Variants in RADIL observed in about 807,000 individuals in gnomAD.
RADIL encodes the protein Rap associating with DIL domain.
RADIL carries 99 observed loss-of-function variants against 97.6 expected under a neutral mutation model. That is an observed-to-expected ratio of 1.01 (90% CI 0.86 to 1.20). RADIL has a LOEUF of 1.20. Ranked by LOEUF, RADIL falls within the 50% of genes most tolerant of loss-of-function variation. RADIL has a pLI of 0.00. For missense variants in RADIL, 1,765 were observed against 1,498.9 expected (o/e 1.18, Z -2.93); for synonymous variants, 803 against 691.8 (o/e 1.16, Z -2.52).
At position 4,834,548 on chromosome 7, in the gene RADIL, G is replaced by A. The variant is rs1336906567; in HGVS notation, c.1416+59C>T. 3.9e-6 allele frequency: 5 copies of A among 1,289,352 alleles called. No individual in the cohort carries two copies. The highest frequency in any genetic ancestry group is 6.7e-5 in the South Asian group (2 of 29,682). 79.9% of individuals were successfully genotyped at this position (1,289,352 alleles called of 1,614,324 possible). A position where few individuals can be genotyped will look rare whatever the true frequency, so the allele number is the denominator to read the frequency against. On this transcript the variant is annotated intron_variant, in intron 4 of 14. Coordinates refer to ENST00000399583, the MANE Select transcript of RADIL (RefSeq NM_018059.5). This position sits in a 1 kb window ranked among gnomAD's most constrained non-coding sequence, Gnocchi z 6.0. ...CCGCCTCCCAGCCGGGGCCAGCTCC[G>A]GGCCCCCTCTTCCCCCAGACCGGCA... is the stretch of plus-strand genomic sequence containing the variant.
At chr7:4,816,063 TC>T (rs1782670059) in intron 8 of RADIL, among the ~76,000 whole-genome samples, 164 bp downstream of exon 8, 1 of 151,722 alleles carries the variant, frequency 6.6e-6, no homozygotes, top group South Asian at 2.1e-4. Flanking sequence ...TGCTGATCTG[TC>T]CCCCCTCACT....
intron 2 of RADIL, among the ~76,000 whole-genome samples, chr7:4,868,102 G>A (rs543929788): frequency 6.6e-5 from 10 of 151,940 alleles, no homozygotes; most frequent in East Asian, 3.9e-4. Flanking sequence ...TCACTGTGTC[G>A]CCCAGGCTGG....
chr7:4,877,635 C>T lies in RADIL; in HGVS notation c.505G>A (p.Ala169Thr). Residue 169 changes from alanine (A) to threonine (T), a missense_variant, in exon 2 of 15, where the codon GCA becomes ACA. By Grantham distance (58) the Ala-to-Thr change is moderately conservative (BLOSUM62 0). Coordinates refer to ENST00000399583, the MANE Select transcript of RADIL (RefSeq NM_018059.5). ...GTGATGGTGTCCACCTCCTTGGCTG[C>T]CAGCTCCTCCACGTCCGACCTCTTC... ...LRKRSDVEEL[A>T]AKEVDTITAG... is the part of the protein sequence containing the mutation. 6.2e-7 allele frequency: 1 copy of T among 1,608,236 alleles called. No individual in the cohort carries two copies. Among genetic ancestry groups the T allele is most frequent in the Non-Finnish European group, 8.5e-7 (1 of 1,177,274 alleles).
At position 4,878,142 on chromosome 7, in the gene RADIL, T is replaced by C. The variant is rs1216690788; in HGVS notation, c.-3A>G. 11 of 1,539,668 alleles carry C rather than the reference T, an allele frequency of 7.1e-6. No individual in the cohort carries two copies. The highest frequency in any genetic ancestry group is 8.7e-6 in the Non-Finnish European group (10 of 1,143,490). ...ATGAAGTGCGTCCCATAAAACATGG[T>C]GGGTGAGGCTTCATGGATGAGGACT... On this transcript the variant is annotated 5_prime_UTR_variant, in exon 2 of 15. Coordinates refer to ENST00000399583, the MANE Select transcript of RADIL (RefSeq NM_018059.5). The surrounding 1 kb of genome is among the most constrained non-coding windows in gnomAD (Gnocchi z 4.1).
chr7:4,823,428 C>T, intron 5 of RADIL, among the ~76,000 whole-genome samples: 1 of 150,546 alleles, frequency 6.6e-6, no homozygotes, highest in East Asian at 2.0e-4. Flanking sequence ...CTTTGGCCTC[C>T]TAAAGTGCTG....
chr7:4,799,568 G>C, intron 14 of RADIL, 62 bp downstream of exon 14: 1 of 1,610,232 alleles, frequency 6.2e-7, no homozygotes, highest in Non-Finnish European at 8.5e-7. Flanking sequence ...CTTTACCCCA[G>C]GTCCACTCCC....
In RADIL at chr7:4,813,952, T is replaced by C. The variant is rs1305737626; in HGVS notation, c.2139+1326A>G. Among the ~76,000 whole-genome samples, 2 of 152,196 alleles carry C rather than the reference T, an allele frequency of 1.3e-5. No homozygotes were observed. Among genetic ancestry groups the C allele is most frequent in the Non-Finnish European group, 2.9e-5 (2 of 68,028 alleles). On this transcript the variant is annotated intron_variant, in intron 9 of 14. Coordinates refer to ENST00000399583, the MANE Select transcript of RADIL (RefSeq NM_018059.5). The surrounding 1 kb of genome is among the most constrained non-coding windows in gnomAD (Gnocchi z 5.0). Reference sequence around the variant, plus strand: ...GCTTCTCAGGAGTCAGATTGCTTTTTTCTTTTTTGTAGAGATGGGGTCTCG... The same window carrying C: ...GCTTCTCAGGAGTCAGATTGCTTTTCTCTTTTTTGTAGAGATGGGGTCTCG...
intron 2 of RADIL, among the ~76,000 whole-genome samples, chr7:4,838,381 G>C (rs1583296997): frequency 6.6e-6 from 1 of 152,196 alleles, no homozygotes; most frequent in Non-Finnish European, 1.5e-5. Context: ...ACCTCAGAGT[G>C]ACCTGCTGGA....
chr7:4,821,984 G>A lies in RADIL; in HGVS notation c.1615+410C>T, dbSNP rs577278726. Among the ~76,000 whole-genome samples, 2 of 152,174 alleles carry A rather than the reference G, an allele frequency of 1.3e-5. No individual in the cohort carries two copies. Among genetic ancestry groups the A allele is most frequent in the African/African-American group, 2.4e-5 (1 of 41,494 alleles). ...CTGGAATAACGGTGTGTCTCAGAAC[G>A]GGCGGCGGTCTCATGGCCGACGCTC... On this transcript the variant is annotated intron_variant, in intron 6 of 14. Transcript: ENST00000399583. The surrounding 1 kb of genome is among the most constrained non-coding windows in gnomAD (Gnocchi z 5.2).
chr7:4,802,054 G>A (rs1358890951), intron 11 of RADIL, 59 bp from the exon 12 acceptor site: 19 of 1,356,326 alleles, frequency 1.4e-5, no homozygotes, highest in Non-Finnish European at 1.6e-5. Context: ...CACAGCACTC[G>A]GGCAACTGGG....
intron 2 of RADIL, chr7:4,861,767 G>GCCGGCTGCGGTGGTC: frequency 1.0e-5 from 15 of 1,486,008 alleles, no homozygotes; most frequent in Non-Finnish European, 1.3e-5. Flanking sequence ...CGGCGGCGGC[G>GCCGGCTGCGGTGGTC]CCGGCTGCGG....
At chr7:4,862,794 G>A (rs1457517943) in intron 2 of RADIL, among the ~76,000 whole-genome samples, 1 of 152,090 alleles carries the variant, frequency 6.6e-6, no homozygotes, top group Non-Finnish European at 1.5e-5. Flanking sequence ...CTACTCGGGA[G>A]GCTGAGGCAG....
At chr7:4,871,448 G>A (rs10270741) in intron 2 of RADIL, among the ~76,000 whole-genome samples, 14,225 of 152,280 alleles carry the variant, frequency 0.093, 1,147 homozygotes, top group African/African-American at 0.22. Flanking sequence ...CTGTCATCGG[G>A]GAGGCCGAGT....
Position 4,817,313 on chromosome 7 carries a change from T to C in RADIL, c.1654A>G (p.Ser552Gly). ...ESLFSCTLTA[S>G]EEAMAVLEEV... ...TCCAGCACCGCCATGGCCTCCTCGC[T>C]GGCCGTCAGCGTGCAGGAGAACAGC... Residue 552 changes from serine (S) to glycine (G), a missense_variant, in exon 7 of 15, where the codon AGC becomes GGC. Ser to Gly is a moderately conservative substitution (Grantham distance 56, BLOSUM62 0). Coordinates refer to ENST00000399583, the MANE Select transcript of RADIL (RefSeq NM_018059.5). This position sits in a 1 kb window ranked among gnomAD's most constrained non-coding sequence, Gnocchi z 8.3. The C allele has an allele frequency of 6.2e-7, 1 of 1,612,570 alleles. No homozygotes were observed. The highest frequency in any genetic ancestry group is 8.5e-7 in the Non-Finnish European group (1 of 1,179,740).
chr7:4,835,617 G>A lies in RADIL; in HGVS notation c.784-378C>T, dbSNP rs1311429635. ...TGTGGGAGCACTGCCGCCTGTGTGG[G>A]AGCACCACCCCCAGTGTGGGAGCAC... On this transcript the variant is annotated intron_variant, in intron 3 of 14. Transcript: ENST00000399583. The surrounding 1 kb of genome is among the most constrained non-coding windows in gnomAD (Gnocchi z 5.8). Among the ~76,000 whole-genome samples the A allele has an allele frequency of 1.3e-5, 2 of 151,820 alleles. No individual in the cohort carries two copies. The highest frequency in any genetic ancestry group is 2.9e-5 in the Non-Finnish European group (2 of 67,984).
At chr7:4,870,790 T>C (rs1240684303) in intron 2 of RADIL, among the ~76,000 whole-genome samples, 1 of 152,178 alleles carries the variant, frequency 6.6e-6, no homozygotes, top group East Asian at 1.9e-4. Flanking sequence ...CATCCCTCTG[T>C]GTTTTTGGTG....
chr7:4,822,493 T>C lies in RADIL; in HGVS notation c.1516A>G (p.Ile506Val). Residue 506 changes from isoleucine to valine, a missense_variant, in exon 6 of 15, where the codon ATT becomes GTT. By Grantham distance (29) the Ile-to-Val change is conservative (BLOSUM62 3). Transcript: ENST00000399583. The surrounding 1 kb of genome is among the most constrained non-coding windows in gnomAD (Gnocchi z 5.3). ...ATGGAGTTAGACATCCAGAAAAGAA[T>C]GGGCTGCAAGTCTGGAACCAGATCA... ...MADLVPDLQP[I>V]LFWMSNSIEL... is the part of the protein sequence containing the mutation. 1 of 1,613,056 alleles carries C rather than the reference T, an allele frequency of 6.2e-7. No homozygotes were observed. The highest frequency in any genetic ancestry group is 1.1e-5 in the South Asian group (1 of 91,078).
chr7:4,802,759 C>T lies in RADIL; in HGVS notation c.2500-764G>A, dbSNP rs531155509. ...GGCTGGGCCCCCTCCCCGGGCACCT[C>T]GGGGCACGCTGGCTGGGGGGCCCCC... On this transcript the variant is annotated intron_variant, in intron 11 of 14. Coordinates refer to ENST00000399583, the MANE Select transcript of RADIL (RefSeq NM_018059.5). Among the ~76,000 whole-genome samples, 9 of 115,460 alleles carry T rather than the reference C, an allele frequency of 7.8e-5. No homozygotes were observed. In the South Asian group the frequency reaches 2.5e-3, roughly 32 times the overall value. 75.7% of individuals were successfully genotyped at this position (115,460 alleles called of 152,430 possible). A position where few individuals can be genotyped will look rare whatever the true frequency, so the allele number is the denominator to read the frequency against.
chr7:4,881,132 A>T (rs1784475962), intron 1 of RADIL, among the ~76,000 whole-genome samples: 9 of 116,394 alleles, frequency 7.7e-5, no homozygotes, highest in East Asian at 3.0e-4. Flanking sequence ...AAAAAAAAAG[A>T]TGGCTGGGCA....
Sources: allele counts gnomAD v4.1 joint callset (sites outside exome capture counted in the v4.1 genomes callset), GRCh38; gene constraint gnomAD v4.1.1; non-coding constraint Gnocchi (gnomAD v3.1); transcripts MANE v1.5; gene names NCBI Gene and HGNC (gene_info 2026-07-23, HGNC 2026-07-21).